ZNRF2: variants seen among roughly 807,000 people sequenced by gnomAD.
ZNRF2 encodes the protein zinc and ring finger 2.
A neutral mutation model predicts 20.4 loss-of-function variants in ZNRF2; 16 were observed. That is an observed-to-expected ratio of 0.79 (90% CI 0.53 to 1.19). The LOEUF (loss-of-function observed/expected upper bound fraction) is 1.19. Among genes scored for constraint, ZNRF2 ranks in the 50% most tolerant of loss-of-function variants. ZNRF2 has a pLI of 0.00. For missense variants in ZNRF2, 363 were observed against 332.4 expected (o/e 1.09, Z -0.72); for synonymous variants, 178 against 144.9 (o/e 1.23, Z -1.64).
intron 1 of ZNRF2, among the ~76,000 whole-genome samples, chr7:30,322,432 T>C (rs1799485595): frequency 6.6e-6 from 1 of 152,120 alleles, no homozygotes; most frequent in Non-Finnish European, 1.5e-5. Flanking sequence ...AAAACGTCTC[T>C]TTCACCACCC....
intron 1 of ZNRF2, among the ~76,000 whole-genome samples, chr7:30,287,636 T>A (rs544459781): frequency 6.6e-6 from 1 of 152,066 alleles, no homozygotes; most frequent in Non-Finnish European, 1.5e-5. Flanking sequence ...TTTTTTCTTA[T>A]CTAAGTTCTA....
intron 1 of ZNRF2, among the ~76,000 whole-genome samples, chr7:30,314,834 T>C (rs1799344438): frequency 6.6e-6 from 1 of 151,732 alleles, no homozygotes; most frequent in South Asian, 2.1e-4. Context: ...TTTTTTTTTT[T>C]TGGAGACAGT....
intron 1 of ZNRF2, among the ~76,000 whole-genome samples, chr7:30,307,231 T>C (rs933289090): frequency 1.3e-5 from 2 of 151,564 alleles, no homozygotes; most frequent in African/African-American, 2.4e-5. Flanking sequence ...CCTTGCATGC[T>C]GTGTCAAATG....
At position 30,285,373 on chromosome 7, in the gene ZNRF2, A is replaced by G; in HGVS notation, c.16A>G (p.Ser6Gly). ...CAGGGCGGACATGGGCGCCAAACAG[A>G]GCGGCCCGGCCGCCGCTAACGGCCG... The part of the protein sequence containing the change: MGAKQ[S>G]GPAAANGRTR... Residue 6 changes from serine (S) to glycine (G), a missense_variant, in exon 1 of 5, where the codon AGC becomes GGC. Ser to Gly is a moderately conservative substitution (Grantham distance 56). Coordinates refer to ENST00000323037, the MANE Select transcript of ZNRF2 (RefSeq NM_147128.4). 8.2e-7 allele frequency: 1 copy of G among 1,216,956 alleles called. No individual in the cohort carries two copies. The highest frequency in any genetic ancestry group is 1.0e-6 in the Non-Finnish European group (1 of 962,836). The allele number at this position is 1,216,956 out of a possible 1,614,324, so 75.4% of individuals were successfully genotyped here. A position where few individuals can be genotyped will look rare whatever the true frequency, so the allele number is the denominator to read the frequency against.
chr7:30,299,776 C>CTTTT (rs34591785), intron 1 of ZNRF2, among the ~76,000 whole-genome samples: 3 of 123,330 alleles, frequency 2.4e-5, no homozygotes, highest in African/African-American at 6.5e-5. Context: ...CTAAAACCTG[C>CTTTT]TTTTTTTTTT....
chr7:30,293,311 C>T (rs576892722), intron 1 of ZNRF2, among the ~76,000 whole-genome samples: 40 of 147,124 alleles, frequency 2.7e-4, no homozygotes, highest in Non-Finnish European at 5.3e-4. Context: ...TGCAGTAGTG[C>T]GATCTTGGCT....
At chr7:30,338,295 T>C (rs1223699696) in intron 2 of ZNRF2, among the ~76,000 whole-genome samples, 3 of 151,956 alleles carry the variant, frequency 2.0e-5, no homozygotes, top group Admixed American at 2.0e-4. Flanking sequence ...TTTTTTAATT[T>C]AAGTTCTGGG....
chr7:30,327,228 A>G (rs990537796), intron 2 of ZNRF2, among the ~76,000 whole-genome samples: 2 of 152,048 alleles, frequency 1.3e-5, no homozygotes, highest in Non-Finnish European at 2.9e-5. Context: ...CTATAATGGT[A>G]TTGCATAAGT....
chr7:30,293,674 G>T (rs777079457), intron 1 of ZNRF2, among the ~76,000 whole-genome samples: 1 of 152,176 alleles, frequency 6.6e-6, no homozygotes, highest in African/African-American at 2.4e-5. Context: ...TAATCTTTGG[G>T]ACTACGTAAA....
intron 2 of ZNRF2, among the ~76,000 whole-genome samples, chr7:30,329,787 G>A (rs767007113): frequency 3.3e-5 from 5 of 152,088 alleles, no homozygotes; most frequent in Non-Finnish European, 7.4e-5. Flanking sequence ...ATATTTCTTC[G>A]AAATACTGAT....
chr7:30,300,029 C>T (rs972509102), intron 1 of ZNRF2, among the ~76,000 whole-genome samples: 1 of 152,044 alleles, frequency 6.6e-6, no homozygotes, highest in Admixed American at 6.6e-5. Context: ...CGTGATGTGC[C>T]CGCCTTGGCC....
intron 2 of ZNRF2, among the ~76,000 whole-genome samples, chr7:30,354,417 A>C (rs375808198): frequency 2.0e-5 from 3 of 152,102 alleles, no homozygotes; most frequent in African/African-American, 7.2e-5. Context: ...TGAGTAAATC[A>C]TCTCCTGGTA....
Position 30,285,245 on chromosome 7 carries a change from G to C in ZNRF2, c.-113G>C, listed in dbSNP as rs920768185. On this transcript the variant is annotated 5_prime_UTR_variant, in exon 1 of 5. Coordinates refer to ENST00000323037, the MANE Select transcript of ZNRF2 (RefSeq NM_147128.4). Reference sequence around the variant, plus strand: ...GGGCGGCGGCCCTGGACGTGCGGGGGCCTCTCTGGGCCGGCCGCGGCGCCT... The same window carrying C: ...GGGCGGCGGCCCTGGACGTGCGGGGCCCTCTCTGGGCCGGCCGCGGCGCCT... 13 of 733,024 alleles carry C rather than the reference G, an allele frequency of 1.8e-5. No homozygotes were observed. In the African/African-American group the frequency reaches 2.5e-4, roughly 14 times the overall value. The allele number at this position is 733,024 out of a possible 1,614,324, so 45.4% of individuals were successfully genotyped here.
chr7:30,348,608 A>G (rs1304762928), intron 2 of ZNRF2, among the ~76,000 whole-genome samples: 1 of 152,176 alleles, frequency 6.6e-6, no homozygotes, highest in Non-Finnish European at 1.5e-5. Context: ...TTTAATATAC[A>G]TCTGGCCACC....
chr7:30,346,247 G>T (rs1295700285), intron 2 of ZNRF2, among the ~76,000 whole-genome samples: 1 of 119,828 alleles, frequency 8.3e-6, no homozygotes, highest in Admixed American at 1.1e-4. Flanking sequence ...AGGCTGCAAT[G>T]CAGTGGCACG....
chr7:30,350,380 G>A (rs1056458556), intron 2 of ZNRF2, among the ~76,000 whole-genome samples: 1 of 151,976 alleles, frequency 6.6e-6, no homozygotes, highest in African/African-American at 2.4e-5. Context: ...ATGAAGAGTA[G>A]CTACATGTTT....
chr7:30,308,131 A>G (rs1799237741), intron 1 of ZNRF2, among the ~76,000 whole-genome samples: 1 of 152,166 alleles, frequency 6.6e-6, no homozygotes, highest in Admixed American at 6.6e-5. Context: ...ATTTATATAT[A>G]CATTTGTAAA....
intron 1 of ZNRF2, among the ~76,000 whole-genome samples, chr7:30,298,600 A>C (rs4000226): frequency 1.3e-5 from 2 of 151,694 alleles, no homozygotes; most frequent in Non-Finnish European, 2.9e-5. Context: ...AATACTCAAA[A>C]TGATACTTTC....
intron 1 of ZNRF2, among the ~76,000 whole-genome samples, chr7:30,314,626 TA>T (rs1799339970): frequency 6.6e-6 from 1 of 152,122 alleles, no homozygotes; most frequent in Non-Finnish European, 1.5e-5. Context: ...GTGTTATTTT[TA>T]AGAGTGTGAA....
Sources: allele counts gnomAD v4.1 joint callset (sites outside exome capture counted in the v4.1 genomes callset), GRCh38; gene constraint gnomAD v4.1.1; transcripts MANE v1.5; gene names NCBI Gene and HGNC (gene_info 2026-07-23, HGNC 2026-07-21).